PLCB1: variants seen among roughly 807,000 people sequenced by gnomAD.
PLCB1 encodes the protein 1-phosphatidylinositol 4,5-bisphosphate phosphodiesterase beta-1.
A neutral mutation model predicts 161.8 loss-of-function variants in PLCB1; 46 were observed. The ratio of observed to expected loss-of-function variants is 0.28; its 90% CI spans 0.22 to 0.36. PLCB1 has a LOEUF of 0.36. Ranked by LOEUF, PLCB1 falls within the 10% of genes least tolerant of loss-of-function variation. PLCB1 has a pLI of 1.00. For missense variants in PLCB1, 1,016 were observed against 1,472.5 expected (o/e 0.69, Z 5.07); for synonymous variants, 517 against 503.7 (o/e 1.03, Z -0.35).
At chr20:8,736,997 T>A in intron 19 of PLCB1, 31 bp from the exon 20 acceptor site, 1 of 1,557,446 alleles carries the variant, frequency 6.4e-7, no homozygotes, top group Non-Finnish European at 8.8e-7. Context: ...TCAAAATTCC[T>A]TATGGATTGA....
chr20:8,140,472 C>T (rs1445301221), intron 1 of PLCB1, among the ~76,000 whole-genome samples: 1 of 152,070 alleles, frequency 6.6e-6, no homozygotes, highest in East Asian at 1.9e-4. Flanking sequence ...TGAAGTTTTG[C>T]TGTAATATTT....
At chr20:8,588,426 C>T (rs1376510811) in intron 3 of PLCB1, among the ~76,000 whole-genome samples, 1 of 152,062 alleles carries the variant, frequency 6.6e-6, no homozygotes, top group Non-Finnish European at 1.5e-5. Context: ...CTAAATTGTG[C>T]TCACCCCATA....
intron 2 of PLCB1, among the ~76,000 whole-genome samples, chr20:8,164,064 G>A (rs910988028): frequency 2.0e-5 from 3 of 152,176 alleles, no homozygotes; most frequent in Non-Finnish European, 2.9e-5. Context: ...ATTCTTCTCT[G>A]TGATGTATGG....
rs146255734 is a variant in PLCB1 at position 8,749,070 on chromosome 20, T to C, written c.2523+7497T>C. 1.5e-3 allele frequency among the ~76,000 whole-genome samples: 222 copies of C among 152,318 alleles called. 1 individual carries two copies. Among genetic ancestry groups the C allele is most frequent in the African/African-American group, 5.1e-3 (214 of 41,574 alleles). On this transcript the variant is annotated intron_variant, in intron 23 of 31. Transcript: ENST00000338037. ...GCATATTCAACAAGCTTCCAGGTGA[T>C]GCTTATGGCCCATGGACCATATTTG...
chr20:8,277,948 C>T (rs1342989296), intron 2 of PLCB1, among the ~76,000 whole-genome samples: 1 of 152,026 alleles, frequency 6.6e-6, no homozygotes, highest in Non-Finnish European at 1.5e-5. Flanking sequence ...GCATATCTAT[C>T]AAAAGTGTAT....
At chr20:8,236,050 G>A (rs6039104) in intron 2 of PLCB1, among the ~76,000 whole-genome samples, 32,394 of 151,954 alleles carry the variant, frequency 0.21, 3,999 homozygotes, top group African/African-American at 0.34. Context: ...TTAGGAAGGT[G>A]TTTTTCAAAC....
intron 16 of PLCB1, among the ~76,000 whole-genome samples, chr20:8,726,826 A>G (rs1979963908): frequency 6.6e-6 from 1 of 152,072 alleles, no homozygotes; most frequent in African/African-American, 2.4e-5. Context: ...ATTCTGTCAT[A>G]TTAGTTATTT....
At chr20:8,480,303 G>A (rs569540631) in intron 3 of PLCB1, among the ~76,000 whole-genome samples, 183 of 74,018 alleles carry the variant, frequency 2.5e-3, no homozygotes, top group Non-Finnish European at 4.9e-3. Flanking sequence ...CCACAAAATG[G>A]AGAGAAAAAC....
chr20:8,860,137 G>A (rs1222181772), intron 31 of PLCB1, among the ~76,000 whole-genome samples: 1 of 152,188 alleles, frequency 6.6e-6, no homozygotes, highest in Non-Finnish European at 1.5e-5. Flanking sequence ...CGAATAATGG[G>A]AGAATTCACA....
chr20:8,882,021 T>C lies in PLCB1; in HGVS notation c.*172T>C. 1 of 598,526 alleles carries C rather than the reference T, an allele frequency of 1.7e-6. No homozygotes were observed. The highest frequency in any genetic ancestry group is 3.0e-6 in the Non-Finnish European group (1 of 337,624). The allele number at this position is 598,526 out of a possible 1,614,324, so 37.1% of individuals were successfully genotyped here. A position where few individuals can be genotyped will look rare whatever the true frequency, so the allele number is the denominator to read the frequency against. ...CCATGAAGAATTCCCATGCCCAGGC[T>C]CCATGTGTCATGTGGAAACCTCCAC... On this transcript the variant is annotated 3_prime_UTR_variant, in exon 32 of 32. Transcript: ENST00000338037.
intron 31 of PLCB1, among the ~76,000 whole-genome samples, chr20:8,802,951 T>G (rs1250766628): frequency 6.6e-6 from 1 of 152,136 alleles, no homozygotes; most frequent in Admixed American, 6.5e-5. Context: ...TTCTTGTGAT[T>G]ATAAATAAAG....
chr20:8,427,125 G>A (rs6077358), intron 3 of PLCB1, among the ~76,000 whole-genome samples: 10,386 of 152,092 alleles, frequency 0.068, 513 homozygotes, highest in South Asian at 0.099. Context: ...TGGACGGGCT[G>A]GTCTCGAACT....
intron 3 of PLCB1, chr20:8,372,268 T>C (rs1986926733): frequency 6.6e-6 from 1 of 152,198 alleles, no homozygotes; most frequent in Non-Finnish European, 1.5e-5. Context: ...TATTTGAGTG[T>C]CTTCCCACAA....
intron 2 of PLCB1, among the ~76,000 whole-genome samples, chr20:8,213,875 C>CA (rs1367208332): frequency 6.6e-5 from 10 of 151,860 alleles, no homozygotes; most frequent in Non-Finnish European, 1.0e-4. Flanking sequence ...AAGTTCTCCC[C>CA]AGTAATGCGG....
intron 5 of PLCB1, among the ~76,000 whole-genome samples, chr20:8,647,388 A>C (rs1252283770): frequency 6.6e-6 from 1 of 152,202 alleles, no homozygotes; most frequent in Non-Finnish European, 1.5e-5. Context: ...TACTATGGAC[A>C]TGTCTTTTAG....
At position 8,884,797 on chromosome 20, in the gene PLCB1, T is replaced by C. The variant is rs1411725473; in HGVS notation, c.*2948T>C. The C allele has an allele frequency of 5.9e-5, 9 of 152,804 alleles. No homozygotes were observed. The highest frequency in any genetic ancestry group is 2.2e-4 in the African/African-American group (9 of 41,598). 9.5% of individuals were successfully genotyped at this position (152,804 alleles called of 1,614,324 possible). On this transcript the variant is annotated 3_prime_UTR_variant, in exon 32 of 32. Transcript: ENST00000338037. ...ATTTAAAATGCATAATTCACATTTT[T>C]GTAATAATTCTATGCAATTTTGTGG...
intron 2 of PLCB1, among the ~76,000 whole-genome samples, chr20:8,193,310 G>A (rs1165913379): frequency 1.3e-5 from 2 of 151,764 alleles, no homozygotes; most frequent in South Asian, 2.1e-4. Context: ...TGCATAAAAA[G>A]CAGAATATTA....
chr20:8,688,551 T>C (rs1160102728), intron 10 of PLCB1, among the ~76,000 whole-genome samples: 1 of 152,182 alleles, frequency 6.6e-6, no homozygotes, highest in East Asian at 1.9e-4. Context: ...CCAGTTTCAT[T>C]TTCCTACATG....
intron 3 of PLCB1, among the ~76,000 whole-genome samples, chr20:8,489,565 A>AT (rs1982863244): frequency 6.6e-6 from 1 of 151,992 alleles, no homozygotes; most frequent in South Asian, 2.1e-4. Flanking sequence ...CATTTAGTAG[A>AT]TTTTTCAAAA....
Sources: gnomAD v4.1 joint callset for allele counts (sites outside exome capture counted in the v4.1 genomes callset) on GRCh38, gnomAD v4.1.1 for gene constraint, MANE v1.5 for transcripts, NCBI Gene and HGNC (gene_info 2026-07-23, HGNC 2026-07-21) for gene names.